CACNA2D3: variants seen among roughly 807,000 people sequenced by gnomAD.
CACNA2D3 encodes voltage-dependent calcium channel subunit alpha-2/delta-3.
CACNA2D3 carries 60 observed loss-of-function variants against 160.6 expected under a neutral mutation model. The ratio of observed to expected loss-of-function variants is 0.37; its 90% CI spans 0.30 to 0.46. The LOEUF is 0.46. CACNA2D3 is among the 20% of genes least tolerant of loss of function. CACNA2D3 has a pLI of 1.00. For synonymous variants in CACNA2D3, 558 were observed against 492.9 expected (o/e 1.13, Z -1.75); for missense variants, 1,205 against 1,365.0 (o/e 0.88, Z 1.85).
intron 27 of CACNA2D3, among the ~76,000 whole-genome samples, chr3:54,928,462 G>A (rs143363374): frequency 2.2e-4 from 33 of 152,276 alleles, no homozygotes; most frequent in African/African-American, 6.5e-4. Flanking sequence ...AGCAGAGCCC[G>A]CAGAGTGTGT....
At chr3:54,882,409 A>C (rs373014623) in intron 21 of CACNA2D3, among the ~76,000 whole-genome samples, 3 of 152,024 alleles carry the variant, frequency 2.0e-5, no homozygotes, top group African/African-American at 7.3e-5. Context: ...ACATACATAC[A>C]TGCATGGAGA....
intron 17 of CACNA2D3, among the ~76,000 whole-genome samples, chr3:54,861,471 G>A (rs143640555): frequency 3.2e-4 from 48 of 152,298 alleles, no homozygotes; most frequent in Admixed American, 1.0e-3. Context: ...ACAGGGACTT[G>A]TGGAATTCTG....
At chr3:54,173,018 C>T (rs1700606664) in intron 2 of CACNA2D3, among the ~76,000 whole-genome samples, 1 of 152,130 alleles carries the variant, frequency 6.6e-6, no homozygotes, top group African/African-American at 2.4e-5. Context: ...GTCCTGGGCA[C>T]TAAAGGAACT....
chr3:55,033,761 A>AT (rs1215175428), intron 35 of CACNA2D3, among the ~76,000 whole-genome samples: 12 of 128,654 alleles, frequency 9.3e-5, no homozygotes, highest in Non-Finnish European at 1.5e-4. Flanking sequence ...TATTAAATAT[A>AT]TATTATATAA....
intron 3 of CACNA2D3, among the ~76,000 whole-genome samples, chr3:54,353,721 A>G (rs1233831746): frequency 6.6e-6 from 1 of 152,162 alleles, no homozygotes; most frequent in Admixed American, 6.5e-5. Context: ...TAGGGAAGGC[A>G]GTAGATTAGG....
At chr3:54,605,129 C>A (rs1050999884) in intron 9 of CACNA2D3, among the ~76,000 whole-genome samples, 1 of 152,152 alleles carries the variant, frequency 6.6e-6, no homozygotes, top group Non-Finnish European at 1.5e-5. Context: ...ACGTGGCATT[C>A]TGTGTGTCTA....
intron 17 of CACNA2D3, among the ~76,000 whole-genome samples, chr3:54,866,629 C>T (rs1259027094): frequency 6.6e-6 from 1 of 152,212 alleles, no homozygotes; most frequent in East Asian, 1.9e-4. Context: ...CAGCTGATTT[C>T]CTCTGGCCTT....
intron 10 of CACNA2D3, among the ~76,000 whole-genome samples, chr3:54,633,265 T>C (rs1699286677): frequency 6.6e-6 from 1 of 152,072 alleles, no homozygotes; most frequent in Non-Finnish European, 1.5e-5. Context: ...AATTGGAGAG[T>C]AGATTCTAGA....
At chr3:54,863,919 T>G (rs530135191) in intron 17 of CACNA2D3, among the ~76,000 whole-genome samples, 1 of 152,262 alleles carries the variant, frequency 6.6e-6, no homozygotes, top group East Asian at 1.9e-4. Context: ...TTCCTGCTGG[T>G]TTTTGACACA....
intron 27 of CACNA2D3, among the ~76,000 whole-genome samples, chr3:54,912,501 C>T (rs1234456289): frequency 1.3e-5 from 2 of 152,134 alleles, no homozygotes; most frequent in Non-Finnish European, 2.9e-5. Flanking sequence ...TCACACCAAC[C>T]TTGCTGCTAC....
intron 11 of CACNA2D3, among the ~76,000 whole-genome samples, chr3:54,725,221 C>T (rs189348418): frequency 1.7e-4 from 26 of 152,192 alleles, no homozygotes; most frequent in Admixed American, 1.2e-3. Context: ...AGGAAGAAGT[C>T]GAATCCCTGA....
Position 54,809,311 on chromosome 3 carries a change from C to CTTT in CACNA2D3, c.1381-7526_1381-7524dup, listed in dbSNP as rs1217898723. Among the ~76,000 whole-genome samples the CTTT allele has an allele frequency of 5.4e-3, 437 of 80,714 alleles. 67 individuals are homozygous for CTTT. Among genetic ancestry groups the CTTT allele is most frequent in the East Asian group, 0.021 (46 of 2,204 alleles). 53.0% of individuals were successfully genotyped at this position (80,714 alleles called of 152,430 possible). A position where few individuals can be genotyped will look rare whatever the true frequency, so the allele number is the denominator to read the frequency against. ...TCTTTCTTTCCTTCCTTCCTTCTTT[C>CTTT]TTTTTTTTTTTTTTTTTTGAGACGG... On this transcript the variant is annotated intron_variant, in intron 13 of 37. Coordinates refer to ENST00000474759, the MANE Select transcript of CACNA2D3 (RefSeq NM_018398.3).
chr3:54,518,569 A>G (rs1184379622), intron 5 of CACNA2D3, among the ~76,000 whole-genome samples: 1 of 152,142 alleles, frequency 6.6e-6, no homozygotes, highest in Non-Finnish European at 1.5e-5. Flanking sequence ...CACCCGACTC[A>G]TTGTTTTTGT....
intron 2 of CACNA2D3, among the ~76,000 whole-genome samples, chr3:54,266,671 G>C (rs544698812): frequency 1.3e-5 from 2 of 152,324 alleles, no homozygotes; most frequent in Admixed American, 6.5e-5. Context: ...CATGCAGAAG[G>C]ACAGAATTCA....
chr3:54,318,727 C>T (rs1485893297), intron 2 of CACNA2D3, among the ~76,000 whole-genome samples: 2 of 139,760 alleles, frequency 1.4e-5, no homozygotes, highest in Non-Finnish European at 3.0e-5. Flanking sequence ...CAAGGCCTTA[C>T]TGTGTCACCC....
intron 10 of CACNA2D3, among the ~76,000 whole-genome samples, chr3:54,636,302 A>G (rs1256866034): frequency 1.3e-5 from 2 of 151,932 alleles, no homozygotes; most frequent in Non-Finnish European, 1.5e-5. Flanking sequence ...TGGGGTGAAT[A>G]TCAGGTGGAT....
intron 6 of CACNA2D3, among the ~76,000 whole-genome samples, chr3:54,564,309 G>T (rs1428457113): frequency 6.6e-6 from 1 of 152,230 alleles, no homozygotes; most frequent in Non-Finnish European, 1.5e-5. Flanking sequence ...TGTAATAGGG[G>T]AGATTAATTT....
chr3:54,184,467 C>T (rs1324749683), intron 2 of CACNA2D3, among the ~76,000 whole-genome samples: 1 of 152,178 alleles, frequency 6.6e-6, no homozygotes, highest in Non-Finnish European at 1.5e-5. Context: ...AGCTTAGAGT[C>T]CTGAGGTCTG....
chr3:54,280,965 G>A (rs549701051), intron 2 of CACNA2D3, among the ~76,000 whole-genome samples: 2 of 152,254 alleles, frequency 1.3e-5, no homozygotes, highest in South Asian at 4.2e-4. Flanking sequence ...CCTTTATGAG[G>A]CTGTGAACTC....
Sources: gnomAD v4.1 joint callset for allele counts (sites outside exome capture counted in the v4.1 genomes callset) on GRCh38, gnomAD v4.1.1 for gene constraint, MANE v1.5 for transcripts, NCBI Gene and HGNC (gene_info 2026-07-23, HGNC 2026-07-21) for gene names.